The following UNKL variants were observed in gnomAD, a reference collection of about 807,000 sequenced individuals.
The protein encoded by UNKL is putative E3 ubiquitin-protein ligase UNKL.
A neutral mutation model predicts 78.0 loss-of-function variants in UNKL; 60 were observed. The observed-to-expected ratio is 0.77, with a 90% CI of 0.63 to 0.95. The LOEUF is 0.95. Among genes scored for constraint, UNKL ranks in the 40% least tolerant of loss-of-function variants. UNKL has a pLI of 0.00. For missense variants in UNKL, 1,159 were observed against 1,045.7 expected (o/e 1.11, Z -1.49); for synonymous variants, 608 against 474.8 (o/e 1.28, Z -3.65).
At chr16:1,397,025 C>G (rs892709447) in intron 6 of UNKL, 153 bp downstream of exon 6, 2 of 748,704 alleles carry the variant, frequency 2.7e-6, no homozygotes, top group Non-Finnish European at 4.4e-6. Flanking sequence ...GCAGGTACAG[C>G]CCTCATGCCT....
chr16:1,409,563 C>T (rs2037941835), intron 2 of UNKL, among the ~76,000 whole-genome samples: 1 of 152,186 alleles, frequency 6.6e-6, no homozygotes, highest in East Asian at 1.9e-4. Flanking sequence ...ACCAAACAGG[C>T]ATCTTAGCCC....
intron 6 of UNKL, 97 bp from the exon 7 acceptor site, chr16:1,394,312 A>T (rs2037169564): frequency 7.1e-7 from 1 of 1,407,182 alleles, no homozygotes; most frequent in Non-Finnish European, 9.8e-7. Context: ...TTAAGCTCCA[A>T]ATCGTAACAA....
chr16:1,368,579 G>C (rs1454189409), intron 12 of UNKL, among the ~76,000 whole-genome samples: 14 of 130,518 alleles, frequency 1.1e-4, no homozygotes, highest in Non-Finnish European at 1.9e-4. Context: ...TCCGCAGTCC[G>C]GCCTGGGCGA....
chr16:1,398,679 G>GCTGCCCCCCCCC, intron 5 of UNKL: 1 of 1,356,388 alleles, frequency 7.4e-7, no homozygotes, highest in Non-Finnish European at 9.5e-7. Context: ...TGTGGGGTCT[G>GCTGCCCCCCCCC]CACCCCCCCA....
chr16:1,384,434 C>A (rs556894530), intron 10 of UNKL, among the ~76,000 whole-genome samples: 59 of 152,232 alleles, frequency 3.9e-4, no homozygotes, highest in African/African-American at 1.3e-3. Context: ...TCCCCACAGC[C>A]CAGCACCATC....
chr16:1,370,094 C>T (rs2035675107), intron 12 of UNKL, 36 bp downstream of exon 12: 13 of 1,543,074 alleles, frequency 8.4e-6, no homozygotes, highest in African/African-American at 1.4e-5. Flanking sequence ...ACGGAGGCTT[C>T]ACGGCAACGC....
Position 1,366,185 on chromosome 16 carries a change from C to T in UNKL, c.*55G>A. 7.0e-7 allele frequency: 1 copy of T among 1,436,034 alleles called. No homozygotes were observed. The highest frequency in any genetic ancestry group is 1.5e-5 in the South Asian group (1 of 68,700). The allele number at this position is 1,436,034 out of a possible 1,614,324, so 89.0% of individuals were successfully genotyped here. A position where few individuals can be genotyped will look rare whatever the true frequency, so the allele number is the denominator to read the frequency against. On this transcript the variant is annotated 3_prime_UTR_variant, in exon 15 of 15. Transcript: ENST00000389221. Reference sequence around the variant, plus strand: ...AAGCGAGTGACGACATGTCCGTGGTCAGGAGGAGCGCTGGAGCCAGGGTGC... The same window carrying T: ...AAGCGAGTGACGACATGTCCGTGGTTAGGAGGAGCGCTGGAGCCAGGGTGC...
intron 5 of UNKL, among the ~76,000 whole-genome samples, chr16:1,397,906 G>A (rs945685192): frequency 2.6e-5 from 4 of 152,244 alleles, no homozygotes; most frequent in African/African-American, 9.6e-5. Flanking sequence ...AGGGGCCTCG[G>A]GCATGGGGCC....
intron 5 of UNKL, chr16:1,398,622 C>T (rs2037377918): frequency 1.4e-6 from 2 of 1,430,874 alleles, no homozygotes; most frequent in Non-Finnish European, 1.8e-6. Flanking sequence ...TGGACACAGA[C>T]AGGGCCTCAG....
Position 1,367,730 on chromosome 16 carries a change from G to T in UNKL, c.1714C>A (p.Arg572=), listed in dbSNP as rs1053474143. 1 of 1,579,044 alleles carries T rather than the reference G, an allele frequency of 6.3e-7. No individual in the cohort carries two copies. The highest frequency in any genetic ancestry group is 8.6e-7 in the Non-Finnish European group (1 of 1,163,452). Residue 572 remains arginine, a synonymous_variant, in exon 13 of 15, where the codon CGG becomes AGG. Coordinates refer to ENST00000389221, the MANE Select transcript of UNKL (RefSeq NM_001372107.1). The part of the protein sequence containing the change: ...SASPNGAELA[R]VRRQLDEAKR... ...GCCTCGTCCAGCTGCCGCCTGACCCGGGCCAGCTCAGCTCCGTTTGGACTT... is the reference window on the plus strand; with the variant it reads ...GCCTCGTCCAGCTGCCGCCTGACCCTGGCCAGCTCAGCTCCGTTTGGACTT...
At chr16:1,371,799 G>A (rs562717502) in intron 10 of UNKL, among the ~76,000 whole-genome samples, 188 bp from the exon 11 acceptor site, 2 of 152,302 alleles carry the variant, frequency 1.3e-5, no homozygotes, top group South Asian at 2.1e-4. Flanking sequence ...GGCAGTGTGA[G>A]GCTTGGCTGT....
rs2035683156 is a variant in UNKL at position 1,370,162 on chromosome 16, A to C, written c.1553T>G (p.Leu518Arg). 6.6e-7 allele frequency: 1 copy of C among 1,515,804 alleles called. No individual in the cohort carries two copies. Among genetic ancestry groups the C allele is most frequent in the African/African-American group, 1.4e-5 (1 of 72,330 alleles). The allele number at this position is 1,515,804 out of a possible 1,614,324, so 93.9% of individuals were successfully genotyped here. Residue 518 changes from leucine (L) to arginine (R), a missense_variant, in exon 12 of 15, where the codon CTG becomes CGG. Coordinates refer to ENST00000389221, the MANE Select transcript of UNKL (RefSeq NM_001372107.1). ...PPPLRSEPGTLGSAASSYSPL... is the reference protein window; with the variant it reads ...PPPLRSEPGTRGSAASSYSPL... ...GCTGTAGGATGAGGCTGCAGAGCCC[A>C]GTGTGCCCGGCTCTGAACGCAGGGG...
rs2035097532 is a variant in UNKL, at chr16:1,364,704, GA to G, written c.*1535del. On this transcript the variant is annotated 3_prime_UTR_variant, in exon 15 of 15. Transcript: ENST00000389221. ...CTTCCCCCGTGTGCTCCAGGCCACT[GA>G]GAGGCTGTGGCCGGGTCCTCTCCTG... 4 of 152,294 alleles carry G rather than the reference GA, an allele frequency of 2.6e-5. No individual in the cohort carries two copies. Among genetic ancestry groups the G allele is most frequent in the Admixed American group, 2.6e-4 (4 of 15,290 alleles). The allele number at this position is 152,294 out of a possible 1,614,324, so 9.4% of individuals were successfully genotyped here.
Position 1,399,264 on chromosome 16 carries a change from T to C in UNKL, c.734+110A>G, listed in dbSNP as rs1344912568. On this transcript the variant is annotated intron_variant, in intron 5 of 14. Coordinates refer to ENST00000389221, the MANE Select transcript of UNKL (RefSeq NM_001372107.1). This position sits in a 1 kb window ranked among gnomAD's most constrained non-coding sequence, Gnocchi z 5.8. ...TGCCCTCCCCTCCCGGGGATGATGGTGCCACAAGGGCAGCCCTCCCATTAG... is the reference window on the plus strand; with the variant it reads ...TGCCCTCCCCTCCCGGGGATGATGGCGCCACAAGGGCAGCCCTCCCATTAG... 7.1e-7 allele frequency: 1 copy of C among 1,415,660 alleles called. No individual in the cohort carries two copies. The highest frequency in any genetic ancestry group is 1.5e-5 in the African/African-American group (1 of 68,882). 87.7% of individuals were successfully genotyped at this position (1,415,660 alleles called of 1,614,324 possible).
At chr16:1,377,636 A>G (rs1755777759) in intron 10 of UNKL, among the ~76,000 whole-genome samples, 1 of 151,662 alleles carries the variant, frequency 6.6e-6, no homozygotes, top group Non-Finnish European at 1.5e-5. Context: ...CTTCCCTCCC[A>G]GGCCCACCCT....
intron 2 of UNKL, chr16:1,406,187 A>G (rs1355245180): frequency 1.1e-5 from 4 of 370,952 alleles, no homozygotes; most frequent in Non-Finnish European, 1.6e-5. Flanking sequence ...TGGGAGGAAC[A>G]GGCGTACTCC....
chr16:1,399,474 G>T lies in UNKL; in HGVS notation c.634C>A (p.Gln212Lys). ...CACAGGCGTGGCGGCTTCGGGCACT[G>T]CTCCGTCTTGTAGCTGCCCAGCACG... is the stretch of plus-strand genomic sequence containing the variant. ...NFVLGSYKTE[Q>K]CPKPPRLCRQ... The change falls in exon 5 of 15, where the codon CAG (glutamine) becomes AAG (lysine). Residue 212 changes from glutamine (Q) to lysine (K), a missense_variant. Gln to Lys is a moderately conservative substitution (Grantham distance 53, BLOSUM62 1). Coordinates refer to ENST00000389221, the MANE Select transcript of UNKL (RefSeq NM_001372107.1). This position sits in a 1 kb window ranked among gnomAD's most constrained non-coding sequence, Gnocchi z 5.8. 6.2e-7 allele frequency: 1 copy of T among 1,600,756 alleles called. No individual in the cohort carries two copies. Among genetic ancestry groups the T allele is most frequent in the Non-Finnish European group, 8.5e-7 (1 of 1,174,588 alleles).
rs1353253463 is a variant in UNKL, at chr16:1,367,651, C to A, written c.1788+5G>T. The A allele has an allele frequency of 1.9e-6, 3 of 1,560,744 alleles. No homozygotes were observed. The highest frequency in any genetic ancestry group is 2.6e-6 in the Non-Finnish European group (3 of 1,154,166). On this transcript the variant is annotated splice_donor_5th_base_variant and intron_variant, in intron 13 of 14. Coordinates refer to ENST00000389221, the MANE Select transcript of UNKL (RefSeq NM_001372107.1). ...CTCACCTGTCTGGCCCCCCCACACA[C>A]TCACCTGCTTCACCTGCTGCCAGGA...
chr16:1,368,317 A>T (rs1261290081), intron 12 of UNKL: 1 of 159,550 alleles, frequency 6.3e-6, no homozygotes, highest in African/African-American at 2.4e-5. Flanking sequence ...ACTTAAAAAA[A>T]ACAGGCCGGG....
Sources: allele counts gnomAD v4.1 joint callset (sites outside exome capture counted in the v4.1 genomes callset), GRCh38; gene constraint gnomAD v4.1.1; non-coding constraint Gnocchi (gnomAD v3.1); transcripts MANE v1.5; gene names NCBI Gene and HGNC (gene_info 2026-07-23, HGNC 2026-07-21).